The following TERT variants were observed in gnomAD, a reference collection of about 807,000 sequenced individuals.
TERT encodes the protein telomerase catalytic subunit.
In TERT, 42 loss-of-function variants were observed where a neutral mutation model predicts 104.0. The ratio of observed to expected loss-of-function variants is 0.40; its 90% CI spans 0.32 to 0.52. TERT has a LOEUF of 0.52. Ranked by LOEUF, TERT falls within the 20% of genes least tolerant of loss-of-function variation. The probability of loss-of-function intolerance (pLI) is 0.43; values close to 1 mark genes in which losing one functional copy is unlikely to be tolerated. For missense variants in TERT, 1,101 were observed against 1,610.3 expected (o/e 0.68, Z 5.41); for synonymous variants, 781 against 725.6 (o/e 1.08, Z -1.23).
chr5:1,256,896 G>A lies in TERT; in HGVS notation c.3033-1485C>T, dbSNP rs34821059. ...GCCCGTGTGGAGGCGCGGCCAGCAC[G>A]GGCCAGGAAGGCCGAGCCCCAGCGG... On this transcript the variant is annotated intron_variant, in intron 13 of 15. Coordinates refer to ENST00000310581, the MANE Select transcript of TERT (RefSeq NM_198253.3). This position sits in a 1 kb window ranked among gnomAD's most constrained non-coding sequence, Gnocchi z 7.0. Among the ~76,000 whole-genome samples the A allele has an allele frequency of 6.6e-6, 1 of 152,262 alleles. No individual in the cohort carries two copies. The highest frequency in any genetic ancestry group is 1.5e-5 in the Non-Finnish European group (1 of 68,022).
chr5:1,280,954 C>T (rs1749982189), intron 3 of TERT, among the ~76,000 whole-genome samples: 1 of 152,238 alleles, frequency 6.6e-6, no homozygotes. Flanking sequence ...ACTCCGTGGA[C>T]ACTGGGGCCG....
chr5:1,265,003 C>T lies in TERT; in HGVS notation c.2655-411G>A, dbSNP rs142907262. ...CACCTTCTTTTAAGACGTTTCTCAA[C>T]GACTTTGCCTGTTTTCTCCTAGATG... is the stretch of plus-strand genomic sequence containing the variant. On this transcript the variant is annotated intron_variant, in intron 10 of 15. Coordinates refer to ENST00000310581, the MANE Select transcript of TERT (RefSeq NM_198253.3). The surrounding 1 kb of genome is among the most constrained non-coding windows in gnomAD (Gnocchi z 6.9). Among the ~76,000 whole-genome samples the T allele has an allele frequency of 7.2e-3, 1,096 of 152,350 alleles. 17 individuals carry two copies. The highest frequency in any genetic ancestry group is 0.024 in the African/African-American group (1,015 of 41,572).
rs908281246 is a variant in TERT at position 1,272,106 on chromosome 5, G to A, written c.2382+79C>T. On this transcript the variant is annotated intron_variant, in intron 7 of 15. Transcript: ENST00000310581. ...GCCCCCCAGGGCCAACAGTCTGTCC[G>A]GTCATGAGCCCAGTGATTGCCCAGG... The A allele has an allele frequency of 2.9e-5, 35 of 1,189,606 alleles. No homozygotes were observed. The East Asian group carries it at 3.8e-4, about 13-fold the overall frequency. 73.7% of individuals were successfully genotyped at this position (1,189,606 alleles called of 1,614,324 possible).
chr5:1,253,833 T>C lies in TERT; in HGVS notation c.3296-2A>G, dbSNP rs749979135. 1 of 1,607,036 alleles carries C rather than the reference T, an allele frequency of 6.2e-7. No homozygotes were observed. Among genetic ancestry groups the C allele is most frequent in the Non-Finnish European group, 8.5e-7 (1 of 1,178,062 alleles). On this transcript the variant is annotated splice_acceptor_variant, in intron 15 of 15. Transcript: ENST00000310581. LOFTEE classifies it high-confidence loss of function. Reference sequence around the variant, plus strand: ...GCTTCCGACTCAGCTGCGTCTGGGCTGCGGGGCCAAAATCAGACTCCGTTC... The same window carrying C: ...GCTTCCGACTCAGCTGCGTCTGGGCCGCGGGGCCAAAATCAGACTCCGTTC...
chr5:1,291,994 TC>T (rs1751022837), intron 2 of TERT, among the ~76,000 whole-genome samples: 1 of 152,162 alleles, frequency 6.6e-6, no homozygotes, highest in East Asian at 1.9e-4. Flanking sequence ...GGTAGGGACT[TC>T]CAGTCACGCA....
chr5:1,264,421 C>A lies in TERT; in HGVS notation c.2826G>T (p.Val942=). 1 of 1,613,126 alleles carries A rather than the reference C, an allele frequency of 6.2e-7. No homozygotes were observed. Among genetic ancestry groups the A allele is most frequent in the East Asian group, 2.2e-5 (1 of 44,864 alleles). ...GLLLDTRTLE[V]QSDYSSYART... ...GCGCTCACCTGGAGTAGTCGCTCTG[C>A]ACCTCCAGGGTCCGGGTATCCAGCA... is the stretch of plus-strand genomic sequence containing the variant. The change falls in exon 11 of 16, where the codon GTG becomes GTT. Residue 942 remains valine (V), a synonymous_variant. Transcript: ENST00000310581.
intron 2 of TERT, among the ~76,000 whole-genome samples, chr5:1,291,597 G>GGGGGCCACACCTCAATCACGCTGCAC: frequency 1.6e-5 from 2 of 127,184 alleles, no homozygotes; most frequent in African/African-American, 5.8e-5. Context: ...AGGGACACCC[G>GGGGGCCACACCTCAATCACGCTGCAC]GGGACAGTGC....
rs368353833 is a variant in TERT, at chr5:1,268,699, G to A, written c.2469-66C>T. The stretch of plus-strand genomic sequence containing the variant: ...TGCTGGACATGCGTACACTCAAACC[G>A]AGCCACACACAGACACAGAACCTCA... On this transcript the variant is annotated intron_variant, in intron 8 of 15. Coordinates refer to ENST00000310581, the MANE Select transcript of TERT (RefSeq NM_198253.3). The surrounding 1 kb of genome is among the most constrained non-coding windows in gnomAD (Gnocchi z 5.5). The A allele has an allele frequency of 5.4e-5, 60 of 1,106,956 alleles. No homozygotes were observed. The highest frequency in any genetic ancestry group is 4.2e-4 in the East Asian group (17 of 40,806). The allele number at this position is 1,106,956 out of a possible 1,614,324, so 68.6% of individuals were successfully genotyped here. A position where few individuals can be genotyped will look rare whatever the true frequency, so the allele number is the denominator to read the frequency against.
At chr5:1,279,840 C>A (rs1009720532) in intron 4 of TERT, among the ~76,000 whole-genome samples, 1 of 152,188 alleles carries the variant, frequency 6.6e-6, no homozygotes, top group Non-Finnish European at 1.5e-5. Flanking sequence ...TAAGCGGAAG[C>A]GCACGGAGGC....
At chr5:1,267,992 AAG>A (rs1748738833) in intron 9 of TERT, among the ~76,000 whole-genome samples, 1 of 152,226 alleles carries the variant, frequency 6.6e-6, no homozygotes. Context: ...AAAAAAAAAA[AAG>A]TAACTGCTGT....
Position 1,255,521 on chromosome 5 carries a change from T to G in TERT, c.3033-110A>C. Reference sequence around the variant, plus strand: ...GTGTGCGTGCATGAATGCACATGCATGGGTTTCCTCATGGGCACAGGTGCA... The same window carrying G: ...GTGTGCGTGCATGAATGCACATGCAGGGGTTTCCTCATGGGCACAGGTGCA... On this transcript the variant is annotated intron_variant, in intron 13 of 15. Transcript: ENST00000310581. The surrounding 1 kb of genome is among the most constrained non-coding windows in gnomAD (Gnocchi z 6.9). 6.4e-6 allele frequency: 9 copies of G among 1,404,694 alleles called. No homozygotes were observed. The highest frequency in any genetic ancestry group is 9.0e-6 in the Non-Finnish European group (9 of 1,000,680). 87.0% of individuals were successfully genotyped at this position (1,404,694 alleles called of 1,614,324 possible).
At position 1,270,979 on chromosome 5, in the gene TERT, A is replaced by C; in HGVS notation, c.2468+140T>G. On this transcript the variant is annotated intron_variant, in intron 8 of 15. Coordinates refer to ENST00000310581, the MANE Select transcript of TERT (RefSeq NM_198253.3). The surrounding 1 kb of genome is among the most constrained non-coding windows in gnomAD (Gnocchi z 8.3). ...CGGGAGCCTGCAGCCCAGGAGCCGG[A>C]GGGGGCGGGGGCCAGAAAAGGAGAC... 1 of 682,858 alleles carries C rather than the reference A, an allele frequency of 1.5e-6. No individual in the cohort carries two copies. Among genetic ancestry groups the C allele is most frequent in the Non-Finnish European group, 2.5e-6 (1 of 397,964 alleles). 42.3% of individuals were successfully genotyped at this position (682,858 alleles called of 1,614,324 possible).
chr5:1,267,125 G>A lies in TERT; in HGVS notation c.2583-590C>T, dbSNP rs1687799825. Among the ~76,000 whole-genome samples the A allele has an allele frequency of 2.0e-5, 3 of 152,310 alleles. No homozygotes were observed. In the South Asian group the frequency reaches 6.2e-4, roughly 32 times the overall value. On this transcript the variant is annotated intron_variant, in intron 9 of 15. Transcript: ENST00000310581. ...GTGTGTACAAGAAATTTTTGTTTCT[G>A]TTACATAAACTTATTTCAATCTAGA... is the stretch of plus-strand genomic sequence containing the variant.
Position 1,255,306 on chromosome 5 carries a change from G to T in TERT, c.3138C>A (p.Ile1046=). The T allele has an allele frequency of 6.2e-7, 1 of 1,614,008 alleles. No individual in the cohort carries two copies. The highest frequency in any genetic ancestry group is 8.5e-7 in the Non-Finnish European group (1 of 1,179,942). The change falls in exon 14 of 16, where the codon ATC becomes ATA. Residue 1046 remains isoleucine, a synonymous_variant. Transcript: ENST00000310581. This position sits in a 1 kb window ranked among gnomAD's most constrained non-coding sequence, Gnocchi z 6.9. ...ISDTASLCYS[I]LKAKNAGMSL... ...ACATACCTGCGTTCTTGGCTTTCAG[G>T]ATGGAGTAGCAGAGGGAGGCCGTGT... is the stretch of plus-strand genomic sequence containing the variant.
chr5:1,267,851 G>A (rs1305016549), intron 9 of TERT, among the ~76,000 whole-genome samples: 1 of 152,146 alleles, frequency 6.6e-6, no homozygotes, highest in Non-Finnish European at 1.5e-5. Flanking sequence ...GGGGGAGTGG[G>A]GAGGGATAGC....
rs1258760971 is a variant in TERT, at chr5:1,288,748, C to G, written c.1573+4565G>C. Among the ~76,000 whole-genome samples, 3 of 152,178 alleles carry G rather than the reference C, an allele frequency of 2.0e-5. No homozygotes were observed. The highest frequency in any genetic ancestry group is 2.0e-4 in the Admixed American group (3 of 15,280). ...AGACACAGGCAGCCCAGAGTCCAGC[C>G]TCGGCATGAGACAAGCTGGGAGAGG... On this transcript the variant is annotated intron_variant, in intron 2 of 15. Transcript: ENST00000310581. The surrounding 1 kb of genome is among the most constrained non-coding windows in gnomAD (Gnocchi z 5.3).
chr5:1,253,585 G>C lies in TERT; in HGVS notation c.*143C>G, dbSNP rs147703938. On this transcript the variant is annotated 3_prime_UTR_variant, in exon 16 of 16. Coordinates refer to ENST00000310581, the MANE Select transcript of TERT (RefSeq NM_198253.3). ...ACTCAGCCTTCAGCCGGACATGCAGGCCTCGGCCAAACACTCACTCAGGCC... is the reference window on the plus strand; with the variant it reads ...ACTCAGCCTTCAGCCGGACATGCAGCCCTCGGCCAAACACTCACTCAGGCC... 7 of 710,672 alleles carry C rather than the reference G, an allele frequency of 9.8e-6. No individual in the cohort carries two copies. The East Asian group carries it at 1.1e-4, about 11-fold the overall frequency. 44.0% of individuals were successfully genotyped at this position (710,672 alleles called of 1,614,324 possible). A position where few individuals can be genotyped will look rare whatever the true frequency, so the allele number is the denominator to read the frequency against.
chr5:1,278,767 G>C lies in TERT; in HGVS notation c.2160C>G (p.Ile720Met). 6.2e-7 allele frequency: 1 copy of C among 1,614,152 alleles called. No individual in the cohort carries two copies. Among genetic ancestry groups the C allele is most frequent in the Non-Finnish European group, 8.5e-7 (1 of 1,180,048 alleles). Reference protein sequence around the residue: ...KVDVTGAYDTIPQDRLTEVIA... With the variant: ...KVDVTGAYDTMPQDRLTEVIA... ...TGACCTCCGTGAGCCTGTCCTGGGG[G>C]ATGGTGTCGTACGCGCCCGTCACAT... is the stretch of plus-strand genomic sequence containing the variant. Residue 720 changes from isoleucine (I) to methionine (M), a missense_variant, in exon 6 of 16, where the codon ATC becomes ATG. By Grantham distance (10) the Ile-to-Met change is conservative. Around this residue, in one of 5 missense-constraint regions of TERT, gnomAD observed 463 missense variants for 797.5 expected, o/e 0.58. Transcript: ENST00000310581.
At chr5:1,279,847 A>G (rs1749895786) in intron 4 of TERT, among the ~76,000 whole-genome samples, 1 of 152,172 alleles carries the variant, frequency 6.6e-6, no homozygotes. Flanking sequence ...AAGCGCACGG[A>G]GGCTGCGCAC....
Sources: gnomAD v4.1 joint callset for allele counts (sites outside exome capture counted in the v4.1 genomes callset) on GRCh38, gnomAD v4.1.1 for gene constraint, gnomAD v4.1.1 regional missense constraint, Gnocchi (gnomAD v3.1) non-coding constraint, MANE v1.5 for transcripts, NCBI Gene and HGNC (gene_info 2026-07-23, HGNC 2026-07-21) for gene names.